DYNC2I1: variants seen among roughly 807,000 people sequenced by gnomAD.
DYNC2I1 encodes the protein cytoplasmic dynein 2 intermediate chain 1.
Under a neutral mutation model 133.4 loss-of-function variants are expected in DYNC2I1, and 89 were observed. The observed-to-expected ratio is 0.67, with a 90% confidence interval of 0.56 to 0.80. DYNC2I1 has a LOEUF of 0.80. DYNC2I1 is among the 30% of genes least tolerant of loss of function. The probability of loss-of-function intolerance (pLI) is 0.00; values close to 1 mark genes in which losing one functional copy is unlikely to be tolerated. For missense variants in DYNC2I1, 1,291 were observed against 1,314.5 expected (o/e 0.98, Z 0.28); for synonymous variants, 504 against 484.3 (o/e 1.04, Z -0.54).
chr7:158,898,835 T>TA (rs1448258957), intron 8 of DYNC2I1, among the ~76,000 whole-genome samples: 1 of 152,202 alleles, frequency 6.6e-6, no homozygotes, highest in Non-Finnish European at 1.5e-5. Context: ...TATGATTCTA[T>TA]TTTCTCTCCT....
Position 158,856,732 on chromosome 7 carries a change from A to G in DYNC2I1, c.-4A>G. On this transcript the variant is annotated 5_prime_UTR_variant, in exon 1 of 25. Coordinates refer to ENST00000407559, the MANE Select transcript of DYNC2I1 (RefSeq NM_018051.5). The stretch of plus-strand genomic sequence containing the variant: ...ACCGCGGCCGCCCGGGCCTGCGGGA[A>G]GCGATGGAGCCCGGGAAGGTCGGTG... 1 of 1,234,474 alleles carries G rather than the reference A, an allele frequency of 8.1e-7. No individual in the cohort carries two copies. The highest frequency in any genetic ancestry group is 4.1e-5 in the South Asian group (1 of 24,314). 76.5% of individuals were successfully genotyped at this position (1,234,474 alleles called of 1,614,324 possible).
At position 158,936,944 on chromosome 7, in the gene DYNC2I1, A is replaced by T. The variant is rs558277493; in HGVS notation, c.2778+2395A>T. Among the ~76,000 whole-genome samples the T allele has an allele frequency of 2.0e-5, 3 of 152,344 alleles. No individual in the cohort carries two copies. The East Asian group carries it at 5.8e-4, about 29-fold the overall frequency. On this transcript the variant is annotated intron_variant, in intron 23 of 24. Coordinates refer to ENST00000407559, the MANE Select transcript of DYNC2I1 (RefSeq NM_018051.5). ...AAACCAAAACAAGCTGGACAGAGAA[A>T]ACTGGAATAAATAACTAATCCTGCA...
Position 158,891,251 on chromosome 7 carries a change from T to G in DYNC2I1, c.991-14T>G. On this transcript the variant is annotated splice_polypyrimidine_tract_variant and intron_variant, in intron 7 of 24. Coordinates refer to ENST00000407559, the MANE Select transcript of DYNC2I1 (RefSeq NM_018051.5). ...CCTGTGTCCTGGCTGATGGGGCTGT[T>G]CTCTCTCCATTAGCATGGCCACGAG... is the stretch of plus-strand genomic sequence containing the variant. The G allele has an allele frequency of 6.2e-7, 1 of 1,613,976 alleles. No individual in the cohort carries two copies. The highest frequency in any genetic ancestry group is 1.1e-5 in the South Asian group (1 of 91,078).
chr7:158,918,787 C>G lies in DYNC2I1; in HGVS notation c.1839C>G (p.Ser613Arg). 6.2e-7 allele frequency: 1 copy of G among 1,613,848 alleles called. No individual in the cohort carries two copies. Among genetic ancestry groups the G allele is most frequent in the Non-Finnish European group, 8.5e-7 (1 of 1,179,828 alleles). ...AGGATCGCTTGGCAGCTGAACCCAG[C>G]TGGAATCTTAGGGCTCAAGACAGGG... Reference protein sequence around the residue: ...LEEDRLAAEPSWNLRAQDRAL... With the variant: ...LEEDRLAAEPRWNLRAQDRAL... Residue 613 changes from serine to arginine, a missense_variant, in exon 15 of 25, where the codon AGC (serine) becomes AGG (arginine). Physicochemically the swap from Ser to Arg is moderately radical, Grantham distance 110. Coordinates refer to ENST00000407559, the MANE Select transcript of DYNC2I1 (RefSeq NM_018051.5).
At chr7:158,897,306 A>G (rs1188137820) in intron 8 of DYNC2I1, among the ~76,000 whole-genome samples, 1 of 152,178 alleles carries the variant, frequency 6.6e-6, no homozygotes, top group African/African-American at 2.4e-5. Flanking sequence ...GGTAAGAATT[A>G]TATAATTTCT....
chr7:158,871,242 G>T lies in DYNC2I1; in HGVS notation c.170G>T (p.Cys57Phe), dbSNP rs1441597757. The T allele has an allele frequency of 5.0e-6, 8 of 1,612,220 alleles. No homozygotes were observed. The highest frequency in any genetic ancestry group is 6.8e-6 in the Non-Finnish European group (8 of 1,178,996). The stretch of plus-strand genomic sequence containing the variant: ...CTTCCTGAACATAAGGAGCCGAGGT[G>T]CAGGGATCCCGACCAGGATGCCAGG... Reference protein sequence around the residue: ...MDLPEHKEPRCRDPDQDARSR... With the variant: ...MDLPEHKEPRFRDPDQDARSR... Residue 57 changes from cysteine to phenylalanine, a missense_variant, in exon 3 of 25, where the codon TGC (cysteine) becomes TTC (phenylalanine). Cys to Phe is a radical substitution (Grantham distance 205). Transcript: ENST00000407559.
At chr7:158,879,454 T>G (rs1365711604) in intron 4 of DYNC2I1, among the ~76,000 whole-genome samples, 4 of 152,162 alleles carry the variant, frequency 2.6e-5, no homozygotes, top group African/African-American at 9.7e-5. Flanking sequence ...ATCGTCTCTA[T>G]ATTACTTAAA....
At chr7:158,863,529 C>T (rs1038632946) in intron 1 of DYNC2I1, among the ~76,000 whole-genome samples, 18 of 151,248 alleles carry the variant, frequency 1.2e-4, no homozygotes, top group Non-Finnish European at 2.2e-4. Context: ...AAGCAGGCTG[C>T]TTACTTAGCT....
chr7:158,850,826 G>C, the DYNC2I1 span, among the ~76,000 whole-genome samples: 1 of 152,096 alleles, frequency 6.6e-6, no homozygotes, highest in Non-Finnish European at 1.5e-5. Flanking sequence ...GTTTACATAG[G>C]ATCTTGTTGC....
downstream of DYNC2I1, among the ~76,000 whole-genome samples, chr7:158,958,414 G>A (rs1445500764): frequency 6.6e-6 from 1 of 152,232 alleles, no homozygotes; most frequent in African/African-American, 2.4e-5. Context: ...TCTGTGCGCG[G>A]ATCAGCTGCT....
intron 15 of DYNC2I1, 111 bp from the exon 16 acceptor site, chr7:158,922,266 C>A: frequency 9.3e-7 from 1 of 1,072,110 alleles, no homozygotes; most frequent in Admixed American, 2.4e-5. Flanking sequence ...GAAAGGACCA[C>A]GTTTGTTTCT....
rs745337720 is a variant in DYNC2I1, at chr7:158,914,317, G to C, written c.1787G>C (p.Cys596Ser). 16 of 1,609,500 alleles carry C rather than the reference G, an allele frequency of 9.9e-6. No homozygotes were observed. The highest frequency in any genetic ancestry group is 1.4e-5 in the Non-Finnish European group (16 of 1,177,680). ...PRLCSFLRAA[C>S]QVMAVLLEED... is the part of the protein sequence containing the mutation. ...TTATGTAGCTTTCTGCGGGCTGCTTGTCAGGTATACTCAACCTATATATGT... is the reference window on the plus strand; with the variant it reads ...TTATGTAGCTTTCTGCGGGCTGCTTCTCAGGTATACTCAACCTATATATGT... Residue 596 changes from cysteine (C) to serine (S), a missense_variant, in exon 14 of 25, where the codon TGT (cysteine) becomes TCT (serine). By Grantham distance (112) the Cys-to-Ser change is moderately radical. Coordinates refer to ENST00000407559, the MANE Select transcript of DYNC2I1 (RefSeq NM_018051.5).
In DYNC2I1 at chr7:158,901,775, A is replaced by G. The variant is rs1363480805; in HGVS notation, c.1096A>G (p.Arg366Gly). 1 of 1,583,940 alleles carries G rather than the reference A, an allele frequency of 6.3e-7. No individual in the cohort carries two copies. The highest frequency in any genetic ancestry group is 1.8e-5 in the Admixed American group (1 of 55,146). ...GGAAGAAACTGATTTAGAAAATGCT[A>G]GAGCTGATGCATATACAGCCAGTTG... is the stretch of plus-strand genomic sequence containing the variant. ...EKEETDLENARADAYTASCED... is the reference protein window; with the variant it reads ...EKEETDLENAGADAYTASCED... Residue 366 changes from arginine (R) to glycine (G), a missense_variant, in exon 9 of 25, where the codon AGA becomes GGA. Arg to Gly is a moderately radical substitution (Grantham distance 125). Transcript: ENST00000407559.
chr7:158,863,683 C>G (rs1342360550), intron 1 of DYNC2I1, among the ~76,000 whole-genome samples: 37 of 60,120 alleles, frequency 6.2e-4, no homozygotes, highest in African/African-American at 3.0e-3. Context: ...GAGAGCGGGA[C>G]GTCCTTAGCT....
At chr7:158,881,705 G>T (rs1295993784) in intron 5 of DYNC2I1, among the ~76,000 whole-genome samples, 1 of 152,096 alleles carries the variant, frequency 6.6e-6, no homozygotes, top group African/African-American at 2.4e-5. Flanking sequence ...CGCCCGCCTT[G>T]GCCTCCCAAA....
intron 5 of DYNC2I1, among the ~76,000 whole-genome samples, chr7:158,880,349 C>T (rs1351298213): frequency 6.6e-6 from 1 of 152,092 alleles, no homozygotes; most frequent in Non-Finnish European, 1.5e-5. Flanking sequence ...CCAGCCTGAC[C>T]AACATGGTGA....
intron 24 of DYNC2I1, among the ~76,000 whole-genome samples, chr7:158,942,793 C>T (rs897169556): frequency 2.6e-5 from 4 of 152,208 alleles, no homozygotes; most frequent in Admixed American, 6.5e-5. Context: ...TCGAGGGGCT[C>T]CCAGCTCACA....
At chr7:158,856,545 G>A (rs909081962), upstream of DYNC2I1, 2 of 488,100 alleles carry the variant, frequency 4.1e-6, no homozygotes, top group East Asian at 7.1e-5. Context: ...TGCCGGGGAT[G>A]CGCAGGCGCA....
intron 11 of DYNC2I1, among the ~76,000 whole-genome samples, chr7:158,910,314 T>C (rs1847278386): frequency 6.6e-6 from 1 of 151,970 alleles, no homozygotes; most frequent in Admixed American, 6.5e-5. Flanking sequence ...TGCAGGGCCA[T>C]TGGCTGTGTC....
Sources: gnomAD v4.1 joint callset for allele counts (sites outside exome capture counted in the v4.1 genomes callset) on GRCh38, gnomAD v4.1.1 for gene constraint, MANE v1.5 for transcripts, NCBI Gene and HGNC (gene_info 2026-07-23, HGNC 2026-07-21) for gene names.